Variants in DLGAP2 observed in about 807,000 individuals in gnomAD.
DLGAP2 encodes the protein DLG associated protein 2, also known as disks large-associated protein 2.
Under a neutral mutation model 100.3 loss-of-function variants are expected in DLGAP2, and 26 were observed. The observed-to-expected ratio is 0.26, with a 90% CI of 0.19 to 0.36. The LOEUF is 0.36. Among genes scored for constraint, DLGAP2 ranks in the 10% least tolerant of loss-of-function variants. The probability of loss-of-function intolerance (pLI) is 1.00; values close to 1 mark genes in which losing one functional copy is unlikely to be tolerated. For synonymous variants in DLGAP2, 886 were observed against 630.1 expected (o/e 1.41, Z -6.08); for missense variants, 1,858 against 1,453.2 (o/e 1.28, Z -4.53).
At chr8:1,187,693 A>G (rs1308404652) in intron 2 of DLGAP2, among the ~76,000 whole-genome samples, 6 of 117,372 alleles carry the variant, frequency 5.1e-5, no homozygotes, top group East Asian at 3.0e-4. Context: ...TCACACGCCC[A>G]GGACCTCTGT....
intron 1 of DLGAP2, among the ~76,000 whole-genome samples, chr8:769,588 T>G (rs1821304065): frequency 6.6e-6 from 1 of 152,146 alleles, no homozygotes; most frequent in Non-Finnish European, 1.5e-5. Flanking sequence ...GCTAATTTAT[T>G]GATTCAAAAT....
At chr8:966,567 A>G (rs946201621) in intron 2 of DLGAP2, among the ~76,000 whole-genome samples, 1 of 152,198 alleles carries the variant, frequency 6.6e-6, no homozygotes, top group Non-Finnish European at 1.5e-5. Flanking sequence ...AAAAATGACA[A>G]TGGATGAATA....
intron 3 of DLGAP2, among the ~76,000 whole-genome samples, chr8:1,371,564 C>G: frequency 6.6e-6 from 1 of 152,214 alleles, no homozygotes; most frequent in Non-Finnish European, 1.5e-5. Flanking sequence ...CTCTATTATC[C>G]TCTCACTTCC....
chr8:1,241,419 T>C (rs1798794492), intron 2 of DLGAP2, among the ~76,000 whole-genome samples: 2 of 152,240 alleles, frequency 1.3e-5, no homozygotes, highest in East Asian at 3.8e-4. Context: ...TCCAGTTCTC[T>C]CACATAGTGC....
intron 5 of DLGAP2, among the ~76,000 whole-genome samples, chr8:1,564,071 G>A (rs1262147069): frequency 6.6e-6 from 1 of 152,176 alleles, no homozygotes; most frequent in Non-Finnish European, 1.5e-5. Flanking sequence ...TACAGACTGT[G>A]GGTGATGAGC....
chr8:1,652,580 TA>T (rs1205265273), intron 8 of DLGAP2, among the ~76,000 whole-genome samples: 3 of 152,184 alleles, frequency 2.0e-5, no homozygotes. Flanking sequence ...AGGTAGAGAA[TA>T]AAACCCTCTG....
At chr8:1,609,315 A>G (rs1325395657) in intron 6 of DLGAP2, among the ~76,000 whole-genome samples, 4 of 139,142 alleles carry the variant, frequency 2.9e-5, no homozygotes, top group Non-Finnish European at 6.3e-5. Context: ...AGGAGAAATA[A>G]AATACTTTAC....
intron 3 of DLGAP2, among the ~76,000 whole-genome samples, chr8:1,331,313 G>T (rs1384443960): frequency 6.6e-6 from 1 of 152,174 alleles, no homozygotes; most frequent in Non-Finnish European, 1.5e-5. Flanking sequence ...TGGTTGGGTG[G>T]GTTGGCTGCA....
intron 2 of DLGAP2, among the ~76,000 whole-genome samples, chr8:1,188,300 A>G (rs1288161738): frequency 3.5e-5 from 4 of 113,002 alleles, no homozygotes; most frequent in Non-Finnish European, 5.3e-5. Flanking sequence ...ACAGAATCTC[A>G]CACGCCCGGG....
chr8:1,342,556 G>A (rs1381105215), intron 3 of DLGAP2, among the ~76,000 whole-genome samples: 1 of 152,124 alleles, frequency 6.6e-6, no homozygotes, highest in East Asian at 1.9e-4. Flanking sequence ...GTACATTTGT[G>A]GTAGGGTAAG....
At chr8:828,919 T>C (rs1796732052) in intron 1 of DLGAP2, among the ~76,000 whole-genome samples, 1 of 152,220 alleles carries the variant, frequency 6.6e-6, no homozygotes, top group African/African-American at 2.4e-5. Context: ...TGGATTCATG[T>C]TCCAAGAAGC....
intron 2 of DLGAP2, among the ~76,000 whole-genome samples, chr8:1,100,687 A>G (rs1804549812): frequency 6.6e-6 from 1 of 152,198 alleles, no homozygotes; most frequent in African/African-American, 2.4e-5. Context: ...GAGTGTGTGA[A>G]CTTGGCGCGC....
chr8:1,282,180 C>T (rs954047367), intron 3 of DLGAP2, among the ~76,000 whole-genome samples: 81 of 149,056 alleles, frequency 5.4e-4, no homozygotes, highest in Middle Eastern at 3.7e-3. Context: ...GACCTGAACC[C>T]AGCACGTGAA....
At chr8:1,524,855 C>G (rs1800737763) in intron 4 of DLGAP2, among the ~76,000 whole-genome samples, 1 of 152,072 alleles carries the variant, frequency 6.6e-6, no homozygotes, top group Middle Eastern at 3.2e-3. Context: ...CATCATCTTC[C>G]CACATGATCC....
intron 2 of DLGAP2, among the ~76,000 whole-genome samples, chr8:1,244,443 T>G (rs1195374303): frequency 6.6e-6 from 1 of 152,120 alleles, no homozygotes; most frequent in African/African-American, 2.4e-5. Flanking sequence ...GTTAAAGTGT[T>G]GTAAAAGAGG....
intron 2 of DLGAP2, among the ~76,000 whole-genome samples, chr8:948,364 G>A (rs1799385274): frequency 6.6e-6 from 1 of 152,226 alleles, no homozygotes; most frequent in South Asian, 2.1e-4. Context: ...GAAAGAGGAA[G>A]TAAGACGTGA....
chr8:1,116,110 G>A (rs986306981), intron 2 of DLGAP2, among the ~76,000 whole-genome samples: 1 of 152,194 alleles, frequency 6.6e-6, no homozygotes, highest in African/African-American at 2.4e-5. Flanking sequence ...GGTGTCTGTG[G>A]TTTTGGAGAT....
At chr8:909,410 A>G (rs147348379) in intron 2 of DLGAP2, among the ~76,000 whole-genome samples, 108 of 152,298 alleles carry the variant, frequency 7.1e-4, no homozygotes, top group African/African-American at 2.6e-3. Context: ...AAAGCTAACT[A>G]CTGTACTGCG....
intron 6 of DLGAP2, among the ~76,000 whole-genome samples, chr8:1,577,494 G>A (rs1243474596): frequency 6.6e-6 from 1 of 150,978 alleles, no homozygotes; most frequent in African/African-American, 2.4e-5. Flanking sequence ...CTTGAACCCG[G>A]GAGGCGGAGG....
Sources: allele counts gnomAD v4.1 joint callset (sites outside exome capture counted in the v4.1 genomes callset), GRCh38; gene constraint gnomAD v4.1.1; transcripts MANE v1.5; gene names NCBI Gene and HGNC (gene_info 2026-07-23, HGNC 2026-07-21).